NUTM2E: variants seen among roughly 807,000 people sequenced by gnomAD.
The protein encoded by NUTM2E is NUT family member 2E, also known as family with sequence similarity 22, member E.
In NUTM2E, 3 loss-of-function variants were observed where a neutral mutation model predicts 26.1. That is an observed-to-expected ratio of 0.12 (90% CI 0.05 to 0.30). NUTM2E has a LOEUF of 0.30. Ranked by LOEUF, NUTM2E falls within the 10% of genes least tolerant of loss-of-function variation. NUTM2E has a pLI of 1.00. For synonymous variants in NUTM2E, 13 were observed against 157.5 expected (o/e 0.08, Z 6.87); for missense variants, 62 against 381.3 (o/e 0.16, Z 6.97).
rs542146122 is a variant in NUTM2E at position 79,827,275 on chromosome 10, C to A, written c.-2810C>A. 28 of 153,062 alleles carry A rather than the reference C, an allele frequency of 1.8e-4. 1 individual carries two copies. The highest frequency in any genetic ancestry group is 6.9e-3 in the Middle Eastern group (2 of 290). The allele number at this position is 153,062 out of a possible 1,614,324, so 9.5% of individuals were successfully genotyped here. A position where few individuals can be genotyped will look rare whatever the true frequency, so the allele number is the denominator to read the frequency against. ...TACTGTGCGGGATTATTCAACAAGC[C>A]GATTGATCACATTCTTCAGCTCTAG... On this transcript the variant is annotated 5_prime_UTR_variant, in exon 1 of 10. Transcript: ENST00000429984.
In NUTM2E at chr10:79,839,502, A is replaced by G. The variant is rs1191269415; in HGVS notation, c.-2113-126A>G. 1.3e-5 allele frequency among the ~76,000 whole-genome samples: 2 copies of G among 151,622 alleles called. 1 individual carries two copies. The highest frequency in any genetic ancestry group is 4.8e-5 in the African/African-American group (2 of 41,306). ...AACAATTCCACGCTCCCCACCCCTG[A>G]CTCTGCAACACAGTGCAGAATTCCA... is the stretch of plus-strand genomic sequence containing the variant. On this transcript the variant is annotated intron_variant, in intron 3 of 9. Coordinates refer to ENST00000429984, the MANE Select transcript of NUTM2E (RefSeq NM_001355263.2).
chr10:79,840,577 G>A lies in NUTM2E; in HGVS notation c.-1164G>A, dbSNP rs866385827. Reference sequence around the variant, plus strand: ...ATGACCTTCTCACACAACTGGGGCAGTGGGGGAGAACCCTGGGCTTGAGAC... The same window carrying A: ...ATGACCTTCTCACACAACTGGGGCAATGGGGGAGAACCCTGGGCTTGAGAC... On this transcript the variant is annotated 5_prime_UTR_variant, in exon 4 of 10. In the 5' UTR this introduces an upstream ATG that the reference lacks. Transcript: ENST00000429984. Among the ~76,000 whole-genome samples, 261 of 145,162 alleles carry A rather than the reference G, an allele frequency of 1.8e-3. No individual in the cohort carries two copies. Among genetic ancestry groups the A allele is most frequent in the African/African-American group, 6.0e-3 (235 of 39,482 alleles).
intron 1 of NUTM2E, among the ~76,000 whole-genome samples, chr10:79,836,731 G>A (rs569823421): frequency 7.2e-5 from 11 of 151,962 alleles, no homozygotes; most frequent in East Asian, 5.8e-4. Flanking sequence ...AATCTATTAC[G>A]TTTTGAGTAC....
intron 1 of NUTM2E, among the ~76,000 whole-genome samples, chr10:79,833,540 T>C (rs1242550590): frequency 6.6e-6 from 1 of 151,106 alleles, no homozygotes; most frequent in East Asian, 1.9e-4. Context: ...CATCAAAAAG[T>C]GGGTGAAGGA....
intron 1 of NUTM2E, among the ~76,000 whole-genome samples, chr10:79,833,214 C>T (rs1841937734): frequency 6.6e-6 from 1 of 151,846 alleles, no homozygotes; most frequent in Non-Finnish European, 1.5e-5. Flanking sequence ...GCTTTCAGAG[C>T]TTGGCAAGAT....
rs1267190913 is a variant in NUTM2E at position 79,840,916 on chromosome 10, C to T, written c.-825C>T. Among the ~76,000 whole-genome samples the T allele has an allele frequency of 2.8e-5, 4 of 144,222 alleles. No homozygotes were observed. The highest frequency in any genetic ancestry group is 1.0e-4 in the African/African-American group (4 of 38,714). 94.6% of individuals were successfully genotyped at this position (144,222 alleles called of 152,430 possible). A position where few individuals can be genotyped will look rare whatever the true frequency, so the allele number is the denominator to read the frequency against. On this transcript the variant is annotated 5_prime_UTR_variant, in exon 4 of 10. Coordinates refer to ENST00000429984, the MANE Select transcript of NUTM2E (RefSeq NM_001355263.2). ...TTGACCAGTTTCTTCTAATACTCCC[C>T]TTGTTCACAACACAGAACATGAGTG...
At chr10:79,845,086 G>A (rs1486268584) in intron 5 of NUTM2E, among the ~76,000 whole-genome samples, 47 of 113,864 alleles carry the variant, frequency 4.1e-4, no homozygotes, top group African/African-American at 1.1e-3. Flanking sequence ...TCACTGTCCC[G>A]TGAGTCCAGC....
At position 79,838,876 on chromosome 10, in the gene NUTM2E, G is replaced by C. The variant is rs1435962047; in HGVS notation, c.-2353G>C. Among the ~76,000 whole-genome samples the C allele has an allele frequency of 7.0e-6, 1 of 143,238 alleles. No individual in the cohort carries two copies. The highest frequency in any genetic ancestry group is 2.2e-4 in the East Asian group (1 of 4,562). 94.0% of individuals were successfully genotyped at this position (143,238 alleles called of 152,430 possible). ...TCCCTGCCATCAACCGCCGCAACTG[G>C]CGCTGGGAGCGGTTGAGGGCGGCCG... On this transcript the variant is annotated 5_prime_UTR_variant, in exon 3 of 10. Coordinates refer to ENST00000429984, the MANE Select transcript of NUTM2E (RefSeq NM_001355263.2).
At chr10:79,827,770 T>C (rs1047978230) in intron 1 of NUTM2E, among the ~76,000 whole-genome samples, 1 of 148,916 alleles carries the variant, frequency 6.7e-6, no homozygotes, top group African/African-American at 2.5e-5. Flanking sequence ...CCATACTAAA[T>C]GAATTATTTA....
intron 1 of NUTM2E, among the ~76,000 whole-genome samples, chr10:79,831,328 A>G (rs1841926021): frequency 6.6e-6 from 1 of 151,358 alleles, no homozygotes; most frequent in African/African-American, 2.4e-5. Flanking sequence ...AACATTATAT[A>G]CTTAAAATAC....
chr10:79,833,123 C>T (rs1400477804), intron 1 of NUTM2E, among the ~76,000 whole-genome samples: 2 of 151,844 alleles, frequency 1.3e-5, no homozygotes, highest in Admixed American at 1.3e-4. Flanking sequence ...AAATGTTGAA[C>T]ATAGATGCAG....
At chr10:79,828,928 G>A (rs1333971967) in intron 1 of NUTM2E, among the ~76,000 whole-genome samples, 1 of 151,676 alleles carries the variant, frequency 6.6e-6, no homozygotes, top group African/African-American at 2.4e-5. Context: ...ATATGGTGAT[G>A]AACAGCTAAA....
In NUTM2E at chr10:79,834,209, G is replaced by A. The variant is rs1186147825; in HGVS notation, c.-2727-4100G>A. Among the ~76,000 whole-genome samples, 6 of 151,470 alleles carry A rather than the reference G, an allele frequency of 4.0e-5. No homozygotes were observed. In the East Asian group the frequency reaches 5.8e-4, roughly 15 times the overall value. Reference sequence around the variant, plus strand: ...AACATCACACACTGGGGCCTGTCGCGGGGTGGGGGGCAAGGGGAGGGATAG... The same window carrying A: ...AACATCACACACTGGGGCCTGTCGCAGGGTGGGGGGCAAGGGGAGGGATAG... On this transcript the variant is annotated intron_variant, in intron 1 of 9. Transcript: ENST00000429984.
chr10:79,837,557 A>G (rs1403983065), intron 1 of NUTM2E, among the ~76,000 whole-genome samples: 2 of 152,156 alleles, frequency 1.3e-5, no homozygotes, highest in Non-Finnish European at 2.9e-5. Context: ...ACGGCTAATA[A>G]TATCAGGTAT....
In NUTM2E at chr10:79,828,307, A is replaced by G. The variant is rs1021514595; in HGVS notation, c.-2728+950A>G. On this transcript the variant is annotated intron_variant, in intron 1 of 9. Coordinates refer to ENST00000429984, the MANE Select transcript of NUTM2E (RefSeq NM_001355263.2). ...ACTTATAACTGTATAGGAGCCTAAC[A>G]CGATAATGGAATCAGAATATACTTT... Among the ~76,000 whole-genome samples, 26 of 151,898 alleles carry G rather than the reference A, an allele frequency of 1.7e-4. 1 individual carries two copies. Among genetic ancestry groups the G allele is most frequent in the African/African-American group, 6.0e-4 (25 of 41,386 alleles).
chr10:79,837,588 G>A (rs1254337000), intron 1 of NUTM2E, among the ~76,000 whole-genome samples: 1 of 151,978 alleles, frequency 6.6e-6, no homozygotes. Flanking sequence ...GTGTCAATGA[G>A]ATCCAGCATG....
chr10:79,836,983 A>G (rs1274683165), intron 1 of NUTM2E, among the ~76,000 whole-genome samples: 1 of 151,790 alleles, frequency 6.6e-6, no homozygotes, highest in Non-Finnish European at 1.5e-5. Context: ...ATTTCTGCTT[A>G]GTTTTAGAAG....
At chr10:79,838,671 C>T (rs1173996417) in intron 2 of NUTM2E, among the ~76,000 whole-genome samples, 85 bp downstream of exon 2, 1 of 151,684 alleles carries the variant, frequency 6.6e-6, no homozygotes, top group Non-Finnish European at 1.5e-5. Context: ...TGAGCACAGC[C>T]ACAGGCCTGC....
rs540057565 is a variant in NUTM2E, at chr10:79,833,277, T to C, written c.-2727-5032T>C. Among the ~76,000 whole-genome samples the C allele has an allele frequency of 4.6e-5, 7 of 151,748 alleles. No individual in the cohort carries two copies. The East Asian group carries it at 1.2e-3, about 25-fold the overall frequency. ...TGGATGTTACTCCATGAAGAGAATATATCCTTAAACACTGCTGCCCTGTGC... is the reference window on the plus strand; with the variant it reads ...TGGATGTTACTCCATGAAGAGAATACATCCTTAAACACTGCTGCCCTGTGC... On this transcript the variant is annotated intron_variant, in intron 1 of 9. Coordinates refer to ENST00000429984, the MANE Select transcript of NUTM2E (RefSeq NM_001355263.2).
Sources: gnomAD v4.1 joint callset for allele counts (sites outside exome capture counted in the v4.1 genomes callset) on GRCh38, gnomAD v4.1.1 for gene constraint, MANE v1.5 for transcripts, NCBI Gene and HGNC (gene_info 2026-07-23, HGNC 2026-07-21) for gene names.